LRRC49: variants seen among roughly 807,000 people sequenced by gnomAD.
LRRC49 encodes leucine-rich repeat-containing protein 49.
LRRC49 carries 50 observed loss-of-function variants against 83.3 expected under a neutral mutation model. That is an observed-to-expected ratio of 0.60 (90% CI 0.48 to 0.76). LRRC49 has a LOEUF of 0.76. LRRC49 is among the 30% of genes least tolerant of loss of function. The pLI is 0.00. For missense variants in LRRC49, 704 were observed against 809.1 expected (o/e 0.87, Z 1.58); for synonymous variants, 286 against 283.3 (o/e 1.01, Z -0.10).
chr15:70,860,095 G>A (rs2032751321), intron 1 of LRRC49: 1 of 718,672 alleles, frequency 1.4e-6, no homozygotes, highest in Non-Finnish European at 2.5e-6. Flanking sequence ...CCAGGGCTGT[G>A]GTTGAAGAAG....
At chr15:70,976,945 TA>T (rs1292819508) in intron 9 of LRRC49, among the ~76,000 whole-genome samples, 3 of 152,222 alleles carry the variant, frequency 2.0e-5, no homozygotes, top group Non-Finnish European at 4.4e-5. Flanking sequence ...TGATTTGGTG[TA>T]AATCCAGTTT....
intron 2 of LRRC49, among the ~76,000 whole-genome samples, chr15:70,884,691 A>C (rs2033358522): frequency 1.3e-5 from 2 of 152,220 alleles, no homozygotes; most frequent in South Asian, 4.1e-4. Flanking sequence ...AAGCATTGTC[A>C]AAGTCCAGAA....
chr15:71,036,457 C>T (rs1258608444), intron 14 of LRRC49, among the ~76,000 whole-genome samples: 2 of 152,110 alleles, frequency 1.3e-5, no homozygotes, highest in African/African-American at 4.8e-5. Context: ...TCCTCTTCTG[C>T]CCTCAATCTT....
intron 1 of LRRC49, among the ~76,000 whole-genome samples, chr15:70,868,020 C>G (rs1334979188): frequency 2.0e-5 from 3 of 147,556 alleles, no homozygotes; most frequent in Non-Finnish European, 3.0e-5. Context: ...GAGTGTTTTT[C>G]CTTCTCTTTG....
At chr15:70,938,880 T>C (rs762241694) in intron 8 of LRRC49, among the ~76,000 whole-genome samples, 1 of 152,168 alleles carries the variant, frequency 6.6e-6, no homozygotes, top group African/African-American at 2.4e-5. Flanking sequence ...TCAAAACCCA[T>C]ATAGGGATCC....
intron 3 of LRRC49, chr15:70,898,400 G>C (rs552239772): frequency 1.0e-5 from 7 of 701,740 alleles, no homozygotes; most frequent in Non-Finnish European, 1.8e-5. Context: ...GTAAAATGAG[G>C]TCCATCACCC....
intron 1 of LRRC49, chr15:70,854,195 G>A (rs1369853794): frequency 6.2e-6 from 5 of 807,998 alleles, no homozygotes; most frequent in African/African-American, 1.8e-5. Context: ...CGCGCCTGCC[G>A]CTCGGCCCAG....
intron 15 of LRRC49, 91 bp from the exon 16 acceptor site, chr15:71,049,318 A>G: frequency 2.4e-6 from 2 of 826,394 alleles, no homozygotes; most frequent in Non-Finnish European, 3.8e-6. Context: ...GTCAGAATAA[A>G]TTATTTCAAT....
intron 11 of LRRC49, among the ~76,000 whole-genome samples, chr15:70,993,687 A>T (rs2037976762): frequency 1.3e-5 from 2 of 152,160 alleles, no homozygotes; most frequent in Non-Finnish European, 2.9e-5. Context: ...ACTTTATAGC[A>T]TTGGGCTTTA....
At chr15:70,870,673 A>G (rs2033007926) in intron 1 of LRRC49, among the ~76,000 whole-genome samples, 1 of 152,146 alleles carries the variant, frequency 6.6e-6, no homozygotes, top group South Asian at 2.1e-4. Flanking sequence ...TATTTTTAGT[A>G]GAGACAGGGT....
rs543584223 is a variant in LRRC49, at chr15:71,028,328, C to T, written c.1704-8851C>T. Among the ~76,000 whole-genome samples the T allele has an allele frequency of 2.6e-5, 4 of 152,068 alleles. No homozygotes were observed. In the East Asian group the frequency reaches 5.8e-4, roughly 22 times the overall value. On this transcript the variant is annotated intron_variant, in intron 14 of 15. Coordinates refer to ENST00000260382, the MANE Select transcript of LRRC49 (RefSeq NM_017691.5). ...TCATGCTGGATAAGCTTCTTGATGTCCTGCTGGATTCAGTTGGCCAGTATT... is the reference window on the plus strand; with the variant it reads ...TCATGCTGGATAAGCTTCTTGATGTTCTGCTGGATTCAGTTGGCCAGTATT...
upstream of LRRC49, among the ~76,000 whole-genome samples, chr15:70,889,534 C>T (rs2033498758): frequency 6.6e-6 from 1 of 152,110 alleles, no homozygotes; most frequent in Non-Finnish European, 1.5e-5. Flanking sequence ...GATTTGTTCA[C>T]TTTTCTGTGT....
At chr15:70,969,022 G>A (rs538352275) in intron 9 of LRRC49, among the ~76,000 whole-genome samples, 134 of 152,034 alleles carry the variant, frequency 8.8e-4, no homozygotes, top group African/African-American at 3.1e-3. Flanking sequence ...TTTTGTTACC[G>A]TTGCTTTTGG....
chr15:70,878,750 T>G (rs1380490699), intron 2 of LRRC49, among the ~76,000 whole-genome samples: 1 of 152,228 alleles, frequency 6.6e-6, no homozygotes, highest in Non-Finnish European at 1.5e-5. Flanking sequence ...TATGGTGAAT[T>G]ACATTGATTG....
intron 15 of LRRC49, among the ~76,000 whole-genome samples, chr15:71,042,108 T>C (rs1239709106): frequency 6.6e-6 from 1 of 152,198 alleles, no homozygotes; most frequent in African/African-American, 2.4e-5. Context: ...ACACCATAGA[T>C]GCACAAACTA....
chr15:70,894,978 C>A (rs879364027), intron 2 of LRRC49, among the ~76,000 whole-genome samples: 13 of 152,092 alleles, frequency 8.5e-5, no homozygotes, highest in African/African-American at 1.4e-4. Flanking sequence ...TGGACAAATC[C>A]TTTTCCACCA....
At chr15:70,866,722 C>CTTA (rs1249979986) in intron 1 of LRRC49, among the ~76,000 whole-genome samples, 2 of 152,080 alleles carry the variant, frequency 1.3e-5, no homozygotes, top group Non-Finnish European at 2.9e-5. Flanking sequence ...ATTGGCTAAG[C>CTTA]AGCACTGGAC....
At chr15:70,891,841 T>C, upstream of LRRC49, 1 of 1,581,344 alleles carries the variant, frequency 6.3e-7, no homozygotes, top group Non-Finnish European at 8.6e-7. Flanking sequence ...GGTCTCTCTT[T>C]ACCTGTGAAG....
At position 70,916,967 on chromosome 15, in the gene LRRC49, C is replaced by T. The variant is rs532880432; in HGVS notation, c.568-2083C>T. 4.5e-4 allele frequency among the ~76,000 whole-genome samples: 69 copies of T among 152,338 alleles called. 1 individual carries two copies. The highest frequency in any genetic ancestry group is 5.3e-4 in the Non-Finnish European group (36 of 68,028). ...CCGACAGGTTCTGAAGTGTTTGTTT[C>T]TGCTGTCTGGCTTCTCCCTGCTGTT... On this transcript the variant is annotated intron_variant, in intron 6 of 15. Coordinates refer to ENST00000260382, the MANE Select transcript of LRRC49 (RefSeq NM_017691.5).
Sources: allele counts gnomAD v4.1 joint callset (sites outside exome capture counted in the v4.1 genomes callset), GRCh38; gene constraint gnomAD v4.1.1; transcripts MANE v1.5; gene names NCBI Gene and HGNC (gene_info 2026-07-23, HGNC 2026-07-21).